ARSG: variants seen among roughly 807,000 people sequenced by gnomAD.
The protein encoded by ARSG is ASG.
Under a neutral mutation model 50.5 loss-of-function variants are expected in ARSG, and 37 were observed. That is an observed-to-expected ratio of 0.73 (90% CI 0.56 to 0.96). The LOEUF is 0.96. Among genes scored for constraint, ARSG ranks in the 50% least tolerant of loss-of-function variants. The pLI, the probability that ARSG is intolerant of heterozygous loss-of-function variation, is 0.00. For synonymous variants in ARSG, 225 were observed against 254.6 expected (o/e 0.88, Z 1.11); for missense variants, 629 against 675.3 (o/e 0.93, Z 0.76).
intron 9 of ARSG, among the ~76,000 whole-genome samples, chr17:68,388,024 C>T (rs1429767456): frequency 6.6e-6 from 1 of 152,128 alleles, no homozygotes; most frequent in Non-Finnish European, 1.5e-5. Context: ...CCTCCACAGA[C>T]ACAAGTACAG....
At chr17:68,279,687 C>CATTGAT (rs2075631859) in intron 1 of ARSG, among the ~76,000 whole-genome samples, 1 of 152,154 alleles carries the variant, frequency 6.6e-6, no homozygotes, top group Non-Finnish European at 1.5e-5. Context: ...TCTAAGGAGA[C>CATTGAT]ATTGACATTG....
chr17:68,297,054 A>G (rs1270334932), intron 1 of ARSG, among the ~76,000 whole-genome samples: 1 of 152,196 alleles, frequency 6.6e-6, no homozygotes, highest in Non-Finnish European at 1.5e-5. Context: ...TATGCAGTGC[A>G]TAAACTATAC....
intron 1 of ARSG, among the ~76,000 whole-genome samples, chr17:68,291,877 AAC>A (rs2076009475): frequency 6.6e-6 from 1 of 151,122 alleles, no homozygotes; most frequent in South Asian, 2.1e-4. Flanking sequence ...GGCGAGGGGG[AAC>A]ACGCGCGCGC....
At chr17:68,435,760 G>T in the ARSG span, 3 of 1,556,940 alleles carry the variant, frequency 1.9e-6, no homozygotes, top group Admixed American at 1.7e-5. Flanking sequence ...GAGGAGGGAA[G>T]ATGGATTTCA....
At chr17:68,330,129 G>A (rs1028627682) in intron 2 of ARSG, among the ~76,000 whole-genome samples, 4 of 152,022 alleles carry the variant, frequency 2.6e-5, no homozygotes, top group African/African-American at 9.7e-5. Flanking sequence ...AGAACCACTT[G>A]AACCCTGGAA....
At chr17:68,353,706 A>G (rs976263144) in intron 5 of ARSG, among the ~76,000 whole-genome samples, 6 of 152,068 alleles carry the variant, frequency 3.9e-5, no homozygotes, top group Non-Finnish European at 1.5e-5. Context: ...ATTTTAATTA[A>G]TTTATTTTTT....
At chr17:68,325,665 C>T (rs1371854382) in intron 2 of ARSG, among the ~76,000 whole-genome samples, 1 of 152,086 alleles carries the variant, frequency 6.6e-6, no homozygotes, top group African/African-American at 2.4e-5. Flanking sequence ...TGAACTAAGC[C>T]CCTGAGAGCC....
rs183053672 is a variant in ARSG, at chr17:68,388,753, C to T, written c.1091+3581C>T. On this transcript the variant is annotated intron_variant, in intron 9 of 11. Transcript: ENST00000621439. Reference sequence around the variant, plus strand: ...CAGCCTGACCAACATGGTGAAACCCCGTCTCTACTAAAAATACAAAAATTA... The same window carrying T: ...CAGCCTGACCAACATGGTGAAACCCTGTCTCTACTAAAAATACAAAAATTA... Among the ~76,000 whole-genome samples the T allele has an allele frequency of 6.8e-3, 1,034 of 151,926 alleles. 52 individuals are homozygous for T. Among genetic ancestry groups the T allele is most frequent in the Admixed American group, 0.064 (978 of 15,252 alleles).
At chr17:68,309,903 A>G (rs1436456947) in intron 2 of ARSG, among the ~76,000 whole-genome samples, 1 of 151,720 alleles carries the variant, frequency 6.6e-6, no homozygotes, top group Admixed American at 6.6e-5. Context: ...TAAAGAAAGA[A>G]AGGGAAATAA....
At chr17:68,415,521 A>ATATC (rs1418917057) in intron 11 of ARSG, among the ~76,000 whole-genome samples, 2 of 152,168 alleles carry the variant, frequency 1.3e-5, no homozygotes, top group African/African-American at 4.8e-5. Context: ...TGTTCTGTAT[A>ATATC]TATCTGTTAA....
chr17:68,308,936 G>A (rs1261892617), intron 2 of ARSG, among the ~76,000 whole-genome samples: 5 of 152,262 alleles, frequency 3.3e-5, no homozygotes, highest in African/African-American at 4.8e-5. Context: ...TTGGGTGGTC[G>A]ATGGGACTGG....
chr17:68,369,095 C>T (rs1169709562), intron 7 of ARSG, among the ~76,000 whole-genome samples: 1 of 152,218 alleles, frequency 6.6e-6, no homozygotes, highest in Non-Finnish European at 1.5e-5. Flanking sequence ...CTCCATCTTC[C>T]CTGGTCCCAA....
At chr17:68,311,975 A>G (rs1599670646) in intron 2 of ARSG, among the ~76,000 whole-genome samples, 1 of 151,702 alleles carries the variant, frequency 6.6e-6, no homozygotes, top group Admixed American at 6.6e-5. Context: ...TAATTTTTGT[A>G]TTTTTGTAGA....
Position 68,317,652 on chromosome 17 carries a change from G to A in ARSG, c.218+9941G>A, listed in dbSNP as rs1197065234. On this transcript the variant is annotated intron_variant, in intron 2 of 11. Transcript: ENST00000621439. The stretch of plus-strand genomic sequence containing the variant: ...CAACCTATTTTGCCGTTGACCTTGT[G>A]GGATGTCATTTTGCCAATGTCCTTT... 3.3e-5 allele frequency among the ~76,000 whole-genome samples: 5 copies of A among 152,214 alleles called. No individual in the cohort carries two copies. In the South Asian group the frequency reaches 8.3e-4, roughly 25 times the overall value.
intron 2 of ARSG, among the ~76,000 whole-genome samples, chr17:68,312,359 G>A (rs1194230500): frequency 6.6e-6 from 1 of 152,130 alleles, no homozygotes; most frequent in Non-Finnish European, 1.5e-5. Context: ...ATACTTTTCT[G>A]GGGAGAGAGT....
intron 11 of ARSG, among the ~76,000 whole-genome samples, chr17:68,419,657 G>A (rs2082628681): frequency 6.6e-6 from 1 of 152,096 alleles, no homozygotes. Flanking sequence ...CGAGTTCAAG[G>A]AGAACTTCCA....
intron 8 of ARSG, among the ~76,000 whole-genome samples, chr17:68,375,670 G>A (rs918012275): frequency 6.6e-6 from 1 of 152,168 alleles, no homozygotes; most frequent in South Asian, 2.1e-4. Flanking sequence ...GGCTTCCCTG[G>A]GGGTGATTTG....
chr17:68,393,867 C>CAAA (rs762829963), intron 9 of ARSG, among the ~76,000 whole-genome samples: 3 of 106,218 alleles, frequency 2.8e-5, no homozygotes, highest in African/African-American at 1.1e-4. Context: ...GACTCCATCT[C>CAAA]AAAAAAAAAA....
intron 1 of ARSG, among the ~76,000 whole-genome samples, chr17:68,266,377 A>G (rs1176667309): frequency 7.6e-6 from 1 of 131,142 alleles, no homozygotes; most frequent in Admixed American, 8.1e-5. Context: ...AAGTATATAT[A>G]TGTATATATA....
Sources: gnomAD v4.1 joint callset for allele counts (sites outside exome capture counted in the v4.1 genomes callset) on GRCh38, gnomAD v4.1.1 for gene constraint, MANE v1.5 for transcripts, NCBI Gene and HGNC (gene_info 2026-07-23, HGNC 2026-07-21) for gene names.